Variants in NMNAT1 observed in about 807,000 individuals in gnomAD.
NMNAT1 encodes the protein nicotinamide/nicotinic acid mononucleotide adenylyltransferase 1.
NMNAT1 carries 11 observed loss-of-function variants against 16.7 expected under a neutral mutation model. That is an observed-to-expected ratio of 0.66 (90% CI 0.41 to 1.09). The LOEUF (loss-of-function observed/expected upper bound fraction) is 1.09, where lower values mean the gene tolerates loss of function less well. Ranked by LOEUF, NMNAT1 falls within the 50% of genes least tolerant of loss-of-function variation. The pLI is 0.00. For missense variants in NMNAT1, 280 were observed against 332.3 expected, an observed-to-expected ratio of 0.84 and a Z score of 1.22; for synonymous variants, 110 against 119.8, an observed-to-expected ratio of 0.92 and a Z score of 0.53.
At chr1:9,960,576 C>CT (rs1454028022) in intron 1 of NMNAT1, 6 of 152,084 alleles carry the variant, frequency 3.9e-5, no homozygotes, top group African/African-American at 7.2e-5. Flanking sequence ...TCCCGAGTGG[C>CT]TGGGACTACA....
In NMNAT1 at chr1:9,962,020, G is replaced by C. The variant is rs546284723; in HGVS notation, c.-56-9998G>C. Among the ~76,000 whole-genome samples, 100 of 151,662 alleles carry C rather than the reference G, an allele frequency of 6.6e-4. 1 individual carries two copies. Among genetic ancestry groups the C allele is most frequent in the African/African-American group, 2.1e-3 (87 of 41,388 alleles). On this transcript the variant is annotated intron_variant, in intron 1 of 4. Transcript: ENST00000377205. ...CAACCACAGGTGATCCACCTGCCTC[G>C]CCCTCCCAAAATGCTGGGATTACAG... is the stretch of plus-strand genomic sequence containing the variant.
chr1:9,970,640 G>A (rs1641666651), intron 1 of NMNAT1, among the ~76,000 whole-genome samples: 1 of 151,094 alleles, frequency 6.6e-6, no homozygotes. Flanking sequence ...AGTGAGCTGA[G>A]ATCGCGCCAA....
the NMNAT1 span, among the ~76,000 whole-genome samples, chr1:9,992,048 C>CTAAA: frequency 6.6e-6 from 1 of 150,526 alleles, no homozygotes; most frequent in Non-Finnish European, 1.5e-5. Context: ...GACTCTGTCT[C>CTAAA]TAAATAAATA....
At chr1:9,947,647 C>G (rs372897146) in intron 1 of NMNAT1, 5 of 152,194 alleles carry the variant, frequency 3.3e-5, no homozygotes, top group Admixed American at 1.3e-4. Context: ...CTTTTAGCTG[C>G]TTAGGCCAAA....
the NMNAT1 span, among the ~76,000 whole-genome samples, chr1:9,990,720 A>C: frequency 3.3e-5 from 5 of 152,190 alleles, no homozygotes; most frequent in African/African-American, 1.2e-4. Flanking sequence ...GAGAGGTTCC[A>C]TGATAAAGTG....
At chr1:9,990,030 G>A (rs1176230323), downstream of NMNAT1, among the ~76,000 whole-genome samples, 2 of 152,238 alleles carry the variant, frequency 1.3e-5, no homozygotes, top group African/African-American at 4.8e-5. Context: ...TGAGTGGAAT[G>A]GCCCCTGCCA....
chr1:9,959,002 G>A (rs1570686875), intron 1 of NMNAT1, among the ~76,000 whole-genome samples: 1 of 152,268 alleles, frequency 6.6e-6, no homozygotes, highest in East Asian at 1.9e-4. Context: ...ACTTGCACAA[G>A]CAAATGAAAA....
At chr1:9,978,960 A>T (rs891843133) in intron 3 of NMNAT1, among the ~76,000 whole-genome samples, 1 of 152,160 alleles carries the variant, frequency 6.6e-6, no homozygotes, top group East Asian at 1.9e-4. Context: ...TTCCATGGTC[A>T]AGAGTGTGGG....
downstream of NMNAT1, among the ~76,000 whole-genome samples, chr1:9,989,042 G>T (rs938183647): frequency 6.6e-6 from 1 of 152,118 alleles, no homozygotes; most frequent in African/African-American, 2.4e-5. Context: ...CCCAATGAGG[G>T]CTCCCCACCT....
intron 1 of NMNAT1, among the ~76,000 whole-genome samples, chr1:9,945,291 T>C (rs186729093): frequency 6.6e-6 from 1 of 152,288 alleles, no homozygotes; most frequent in East Asian, 1.9e-4. Flanking sequence ...ATTAATGCAA[T>C]TATCTTTCAA....
At chr1:9,974,876 T>C (rs1411823521) in intron 2 of NMNAT1, among the ~76,000 whole-genome samples, 1 of 152,174 alleles carries the variant, frequency 6.6e-6, no homozygotes, top group Non-Finnish European at 1.5e-5. Flanking sequence ...GGTAGATGGA[T>C]GGATGGATGC....
rs1318282640 is a variant in NMNAT1, at chr1:9,985,460, A to T, written c.*2759A>T. On this transcript the variant is annotated 3_prime_UTR_variant, in exon 5 of 5. Coordinates refer to ENST00000377205, the MANE Select transcript of NMNAT1 (RefSeq NM_022787.4). ...TTGTAGCCAAATCTTGAAATTTTTC[A>T]TTTACCCTAAGTGAGGACAAATAAA... 6.6e-6 allele frequency: 1 copy of T among 152,142 alleles called. No homozygotes were observed. The highest frequency in any genetic ancestry group is 1.5e-5 in the Non-Finnish European group (1 of 68,024). 9.4% of individuals were successfully genotyped at this position (152,142 alleles called of 1,614,324 possible). A position where few individuals can be genotyped will look rare whatever the true frequency, so the allele number is the denominator to read the frequency against.
intron 3 of NMNAT1, among the ~76,000 whole-genome samples, chr1:9,977,051 C>T (rs958015616): frequency 6.7e-6 from 1 of 150,318 alleles, no homozygotes; most frequent in Non-Finnish European, 1.5e-5. Flanking sequence ...GGATTACAGG[C>T]GCCTGCCACC....
intron 1 of NMNAT1, chr1:9,952,511 A>G (rs559265656): frequency 6.6e-6 from 1 of 152,122 alleles, no homozygotes; most frequent in African/African-American, 2.4e-5. Context: ...AGGTTTAATC[A>G]TCTCAGAAAG....
intron 1 of NMNAT1, among the ~76,000 whole-genome samples, chr1:9,965,100 C>T (rs1641511634): frequency 6.6e-6 from 1 of 151,484 alleles, no homozygotes; most frequent in South Asian, 2.1e-4. Context: ...GGGTGGATCA[C>T]CAGGTCAAGA....
intron 1 of NMNAT1, among the ~76,000 whole-genome samples, chr1:9,961,237 G>T (rs2101666204): frequency 6.6e-6 from 1 of 152,290 alleles, no homozygotes; most frequent in Middle Eastern, 3.4e-3. Flanking sequence ...AAAGCTGTTT[G>T]TTCCATCCTT....
chr1:9,974,949 T>C (rs1271575336), intron 2 of NMNAT1, among the ~76,000 whole-genome samples: 1 of 152,160 alleles, frequency 6.6e-6, no homozygotes, highest in African/African-American at 2.4e-5. Flanking sequence ...AGGTGGACAA[T>C]ACAAATTAAG....
At position 9,982,434 on chromosome 1, in the gene NMNAT1, T is replaced by C. The variant is rs1188537838; in HGVS notation, c.573T>C (p.Asn191=). The C allele has an allele frequency of 6.2e-7, 1 of 1,614,104 alleles. No individual in the cohort carries two copies. The highest frequency in any genetic ancestry group is 2.2e-5 in the East Asian group (1 of 44,882). ...TCATATGTGTTACTCGGGCTGGAAA[T>C]GATGCTCAGAAGTTTATCTATGAAT... ...YGLICVTRAG[N]DAQKFIYESD... is the part of the protein sequence containing the mutation. Residue 191 remains asparagine (N), a synonymous_variant, in exon 5 of 5, where the codon AAT becomes AAC. Coordinates refer to ENST00000377205, the MANE Select transcript of NMNAT1 (RefSeq NM_022787.4).
At chr1:9,970,812 ATTAT>A (rs1024207103) in intron 1 of NMNAT1, among the ~76,000 whole-genome samples, 12 of 152,322 alleles carry the variant, frequency 7.9e-5, no homozygotes, top group African/African-American at 2.9e-4. Context: ...ATTATATTCT[ATTAT>A]TTAGTGGAAA....
Sources: gnomAD v4.1 joint callset for allele counts (sites outside exome capture counted in the v4.1 genomes callset) on GRCh38, gnomAD v4.1.1 for gene constraint, MANE v1.5 for transcripts, NCBI Gene and HGNC (gene_info 2026-07-23, HGNC 2026-07-21) for gene names.